Variants in RHOBTB2 observed in about 807,000 individuals in gnomAD.
RHOBTB2 encodes rho-related BTB domain-containing protein 2.
RHOBTB2 carries 39 observed loss-of-function variants against 66.5 expected under a neutral mutation model. That is an observed-to-expected ratio of 0.59 (90% CI 0.45 to 0.77). The LOEUF (loss-of-function observed/expected upper bound fraction) is 0.77, where lower values mean the gene tolerates loss of function less well. Ranked by LOEUF, RHOBTB2 falls within the 30% of genes least tolerant of loss-of-function variation. RHOBTB2 has a pLI of 0.00. For synonymous variants in RHOBTB2, 390 were observed against 395.0 expected (o/e 0.99, Z 0.15); for missense variants, 755 against 999.1 (o/e 0.76, Z 3.29).
intron 9 of RHOBTB2, among the ~76,000 whole-genome samples, chr8:23,016,994 C>T (rs995391277): frequency 4.6e-5 from 7 of 152,212 alleles, no homozygotes; most frequent in East Asian, 1.9e-4. Context: ...TCATTCCCAA[C>T]GCACAGGAAG....
Position 23,014,795 on chromosome 8 carries a change from G to A in RHOBTB2, c.1860+17G>A. 1.2e-6 allele frequency: 2 copies of A among 1,600,474 alleles called. No homozygotes were observed. The highest frequency in any genetic ancestry group is 8.6e-7 in the Non-Finnish European group (1 of 1,168,260). The stretch of plus-strand genomic sequence containing the variant: ...CTGGCTCAGGTATCATGGCAGGGGA[G>A]GGAATCTACAACAGTCTCAGTTCTA... On this transcript the variant is annotated intron_variant, in intron 8 of 9. Coordinates refer to ENST00000251822, the MANE Select transcript of RHOBTB2 (RefSeq NM_015178.3).
At chr8:22,985,329 A>T (rs914290321), upstream of RHOBTB2, among the ~76,000 whole-genome samples, 2 of 152,228 alleles carry the variant, frequency 1.3e-5, no homozygotes, top group Admixed American at 6.5e-5. Context: ...CACAGGCGTA[A>T]TCTATAGCAA....
chr8:22,972,554 T>C, the RHOBTB2 span, among the ~76,000 whole-genome samples: 1 of 152,208 alleles, frequency 6.6e-6, no homozygotes, highest in South Asian at 2.1e-4. Context: ...CACACCACTT[T>C]CTGCCCTGCA....
chr8:23,005,053 G>T (rs1810905696), intron 2 of RHOBTB2, among the ~76,000 whole-genome samples: 1 of 152,076 alleles, frequency 6.6e-6, no homozygotes, highest in South Asian at 2.1e-4. Flanking sequence ...TCCCAAAGAG[G>T]CCCCTTCCAC....
the RHOBTB2 span, among the ~76,000 whole-genome samples, chr8:22,980,915 C>T: frequency 5.0e-4 from 76 of 152,252 alleles, 1 homozygote; most frequent in African/African-American, 1.8e-3. Context: ...TTTAAATTTG[C>T]TCTCATCTCC....
At chr8:22,963,250 T>C in the RHOBTB2 span, among the ~76,000 whole-genome samples, 33 of 152,352 alleles carry the variant, frequency 2.2e-4, no homozygotes, top group East Asian at 4.0e-3. Context: ...GTTTATACTC[T>C]GAATTGATAC....
chr8:23,009,381 A>G (rs2128805718), intron 6 of RHOBTB2, among the ~76,000 whole-genome samples: 1 of 152,204 alleles, frequency 6.6e-6, no homozygotes, highest in South Asian at 2.1e-4. Flanking sequence ...TCTCTTTTCC[A>G]TTCCAAGCAG....
intron 2 of RHOBTB2, among the ~76,000 whole-genome samples, chr8:22,993,920 T>G (rs750322821): frequency 5.3e-5 from 8 of 152,364 alleles, no homozygotes; most frequent in Middle Eastern, 6.8e-3. Flanking sequence ...GGTGGGGACG[T>G]TGCAGAATTA....
At chr8:22,998,059 C>G (rs1365869530), upstream of RHOBTB2, among the ~76,000 whole-genome samples, 1 of 152,176 alleles carries the variant, frequency 6.6e-6, no homozygotes, top group East Asian at 1.9e-4. Flanking sequence ...TTGGCTAGCT[C>G]TGAGTAGATT....
chr8:23,016,109 G>A (rs1811284736), intron 9 of RHOBTB2, among the ~76,000 whole-genome samples: 1 of 152,206 alleles, frequency 6.6e-6, no homozygotes, highest in Non-Finnish European at 1.5e-5. Flanking sequence ...CTAAATTGAT[G>A]GTACAACCCA....
the RHOBTB2 span, among the ~76,000 whole-genome samples, chr8:22,964,796 ATTTATTTAT>A: frequency 2.8e-4 from 15 of 53,878 alleles, no homozygotes; most frequent in Admixed American, 8.2e-4. Context: ...TTATTTATTT[ATTTATTTAT>A]TTATTTATTT....
intron 1 of RHOBTB2, among the ~76,000 whole-genome samples, chr8:22,991,618 C>G (rs1035517536): frequency 6.6e-6 from 1 of 152,144 alleles, no homozygotes; most frequent in Non-Finnish European, 1.5e-5. Flanking sequence ...CTTGAAGAAC[C>G]CATGGGGACA....
upstream of RHOBTB2, chr8:22,984,626 A>C (rs1418892850): frequency 1.3e-5 from 2 of 152,178 alleles, no homozygotes; most frequent in African/African-American, 4.8e-5. Context: ...GTCTTTTTAA[A>C]GGTGTTTCTG....
upstream of RHOBTB2, chr8:22,984,901 A>C (rs577856519): frequency 1.1e-4 from 17 of 152,252 alleles, no homozygotes; most frequent in African/African-American, 4.1e-4. Context: ...CAACCTGGGC[A>C]ACAGAGTAAG....
the RHOBTB2 span, among the ~76,000 whole-genome samples, chr8:22,979,738 CTTTCTT>C: frequency 1.2e-4 from 9 of 76,998 alleles, no homozygotes; most frequent in East Asian, 3.5e-4. Flanking sequence ...CTTTTCTTTT[CTTTCTT>C]TTTTTTTTTT....
At chr8:22,969,118 C>T in the RHOBTB2 span, among the ~76,000 whole-genome samples, 10 of 152,196 alleles carry the variant, frequency 6.6e-5, no homozygotes, top group African/African-American at 1.2e-4. Context: ...ACAATCATGG[C>T]GGAAGGTGAA....
intron 1 of RHOBTB2, among the ~76,000 whole-genome samples, chr8:23,001,808 A>G (rs1810793021): frequency 6.6e-6 from 1 of 152,184 alleles, no homozygotes; most frequent in Non-Finnish European, 1.5e-5. Context: ...TGATACAAAC[A>G]GAGAGGCAGC....
At chr8:22,982,404 T>C in the RHOBTB2 span, among the ~76,000 whole-genome samples, 11 of 152,126 alleles carry the variant, frequency 7.2e-5, no homozygotes, top group African/African-American at 2.7e-4. Context: ...GGTGGATCAC[T>C]TGAGGTCAGG....
the RHOBTB2 span, among the ~76,000 whole-genome samples, chr8:22,978,530 C>A: frequency 1.4e-5 from 2 of 145,442 alleles, no homozygotes. Context: ...CAAAACTTAA[C>A]AATTGTTAAG....
Sources: allele counts gnomAD v4.1 joint callset (sites outside exome capture counted in the v4.1 genomes callset), GRCh38; gene constraint gnomAD v4.1.1; transcripts MANE v1.5; gene names NCBI Gene and HGNC (gene_info 2026-07-23, HGNC 2026-07-21).